Variants in GBE1 observed in about 807,000 individuals in gnomAD.
The protein encoded by GBE1 is 1,4-alpha-glucan branching enzyme 1.
A neutral mutation model predicts 88.8 loss-of-function variants in GBE1; 70 were observed. That is an observed-to-expected ratio of 0.79 (90% CI 0.65 to 0.96). The LOEUF is 0.96. Ranked by LOEUF, GBE1 falls within the 40% of genes least tolerant of loss-of-function variation. GBE1 has a pLI of 0.00. For missense variants in GBE1, 872 were observed against 871.0 expected, an observed-to-expected ratio of 1.00 and a Z score of -0.01; for synonymous variants, 284 against 300.1, an observed-to-expected ratio of 0.95 and a Z score of 0.56.
chr3:81,744,723 G>T (rs776081809), intron 1 of GBE1, among the ~76,000 whole-genome samples: 3 of 152,112 alleles, frequency 2.0e-5, no homozygotes, highest in Non-Finnish European at 4.4e-5. Context: ...TCTTACACAA[G>T]CACATTTTCC....
At chr3:81,517,988 A>G (rs1232404469) in intron 14 of GBE1, among the ~76,000 whole-genome samples, 1 of 151,296 alleles carries the variant, frequency 6.6e-6, no homozygotes, top group Non-Finnish European at 1.5e-5. Flanking sequence ...GTTGATATAT[A>G]GGTAATACTC....
chr3:81,642,110 G>A (rs941274654), intron 7 of GBE1, among the ~76,000 whole-genome samples: 10 of 151,326 alleles, frequency 6.6e-5, no homozygotes, highest in African/African-American at 2.4e-4. Flanking sequence ...ATTTAATCAC[G>A]TAAAACACTC....
intron 3 of GBE1, among the ~76,000 whole-genome samples, chr3:81,662,518 G>C (rs2107099698): frequency 6.6e-6 from 1 of 151,914 alleles, no homozygotes; most frequent in South Asian, 2.1e-4. Flanking sequence ...CACTATACTT[G>C]GGAATGCTGT....
intron 7 of GBE1, among the ~76,000 whole-genome samples, chr3:81,618,582 G>A (rs1013706832): frequency 2.0e-5 from 3 of 151,978 alleles, no homozygotes; most frequent in Admixed American, 6.6e-5. Context: ...AGTTTCTTTC[G>A]CCTTTGACAT....
intron 14 of GBE1, among the ~76,000 whole-genome samples, chr3:81,517,866 C>T (rs1702819155): frequency 6.6e-6 from 1 of 151,276 alleles, no homozygotes; most frequent in South Asian, 2.1e-4. Flanking sequence ...TCCATCCATC[C>T]TTCCATCTGT....
chr3:81,666,352 T>A (rs1170008644), intron 3 of GBE1, among the ~76,000 whole-genome samples: 1 of 152,200 alleles, frequency 6.6e-6, no homozygotes, highest in Non-Finnish European at 1.5e-5. Flanking sequence ...TTTTTTAAAT[T>A]AAGTCCTATT....
intron 2 of GBE1, among the ~76,000 whole-genome samples, chr3:81,677,934 T>A (rs1705285059): frequency 1.3e-5 from 2 of 152,208 alleles, no homozygotes; most frequent in Admixed American, 1.3e-4. Context: ...AATGGAATAC[T>A]AATACCTCAT....
At chr3:81,538,671 T>C (rs533716837) in intron 12 of GBE1, among the ~76,000 whole-genome samples, 140 of 152,110 alleles carry the variant, frequency 9.2e-4, no homozygotes, top group African/African-American at 3.1e-3. Context: ...CAAAATAATG[T>C]ACCTGCAGAA....
chr3:81,495,330 A>T (rs1702487676), intron 15 of GBE1, among the ~76,000 whole-genome samples: 1 of 152,182 alleles, frequency 6.6e-6, no homozygotes, highest in South Asian at 2.1e-4. Flanking sequence ...CAGAGGTTGC[A>T]GTGAGTCAAG....
chr3:81,614,774 G>A (rs1471214199), intron 7 of GBE1, among the ~76,000 whole-genome samples: 1 of 152,104 alleles, frequency 6.6e-6, no homozygotes, highest in Non-Finnish European at 1.5e-5. Flanking sequence ...CAGGAGAATC[G>A]CTTGAACCCA....
chr3:81,512,932 A>G (rs1395480547), intron 14 of GBE1, among the ~76,000 whole-genome samples: 1 of 151,856 alleles, frequency 6.6e-6, no homozygotes, highest in Non-Finnish European at 1.5e-5. Context: ...GAAAAAAAAT[A>G]AGCTTATATA....
In GBE1 at chr3:81,511,816, A is replaced by G. The variant is rs1702728817; in HGVS notation, c.1935-12589T>C. On this transcript the variant is annotated intron_variant, in intron 14 of 15. Transcript: ENST00000429644. ...TGAAAACAGAACTACCATTCAACCC[A>G]ACAATCTCACTACCGGCTACATATC... Among the ~76,000 whole-genome samples, 3 of 151,648 alleles carry G rather than the reference A, an allele frequency of 2.0e-5. No homozygotes were observed. In the Admixed American group the frequency reaches 2.0e-4, roughly 10 times the overall value.
At chr3:81,575,263 T>C (rs1009064574) in intron 12 of GBE1, among the ~76,000 whole-genome samples, 5 of 152,040 alleles carry the variant, frequency 3.3e-5, no homozygotes, top group Non-Finnish European at 7.4e-5. Context: ...ATTTCATATA[T>C]GATAGAATAA....
At chr3:81,590,779 C>T (rs1168657388) in intron 9 of GBE1, among the ~76,000 whole-genome samples, 1 of 152,112 alleles carries the variant, frequency 6.6e-6, no homozygotes. Flanking sequence ...CTGATTAGGA[C>T]ATTTAACTCT....
chr3:81,751,903 T>G (rs1706532751), intron 1 of GBE1, among the ~76,000 whole-genome samples: 1 of 152,222 alleles, frequency 6.6e-6, no homozygotes, highest in African/African-American at 2.4e-5. Flanking sequence ...GAAAACAGAT[T>G]GATGACACTG....
At position 81,577,858 on chromosome 3, in the gene GBE1, C is replaced by T. The variant is rs1209506080; in HGVS notation, c.1618+67G>A. On this transcript the variant is annotated intron_variant, in intron 12 of 15. Coordinates refer to ENST00000429644, the MANE Select transcript of GBE1 (RefSeq NM_000158.4). ...TGAAAAGCCAAATCAAAATATTCTA[C>T]ATGATTTATGTCATTATAAGTTAAC... The T allele has an allele frequency of 2.4e-6, 3 of 1,263,116 alleles. No individual in the cohort carries two copies. The East Asian group carries it at 7.7e-5, about 32-fold the overall frequency. The allele number at this position is 1,263,116 out of a possible 1,614,324, so 78.2% of individuals were successfully genotyped here.
At chr3:81,497,013 C>T (rs74859147) in intron 15 of GBE1, among the ~76,000 whole-genome samples, 126 of 152,290 alleles carry the variant, frequency 8.3e-4, no homozygotes, top group Middle Eastern at 6.8e-3. Context: ...CCTTGCAGTG[C>T]TGTCCTCCTC....
chr3:81,741,850 T>C (rs957531969), intron 1 of GBE1, among the ~76,000 whole-genome samples: 21 of 147,658 alleles, frequency 1.4e-4, no homozygotes, highest in African/African-American at 4.9e-4. Context: ...ATATATAATA[T>C]ATAGTTTTTT....
At chr3:81,516,597 ACTATAG>A (rs1702801443) in intron 14 of GBE1, among the ~76,000 whole-genome samples, 1 of 151,542 alleles carries the variant, frequency 6.6e-6, no homozygotes, top group East Asian at 1.9e-4. Context: ...ATTTTGTAAG[ACTATAG>A]CTGTCATAAG....
Sources: gnomAD v4.1 joint callset for allele counts (sites outside exome capture counted in the v4.1 genomes callset) on GRCh38, gnomAD v4.1.1 for gene constraint, MANE v1.5 for transcripts, NCBI Gene and HGNC (gene_info 2026-07-23, HGNC 2026-07-21) for gene names.